Variants in YEATS4 observed in about 807,000 individuals in gnomAD.
The protein encoded by YEATS4 is YEATS domain containing 4.
In YEATS4, 17 loss-of-function variants were observed where a neutral mutation model predicts 30.1. That is an observed-to-expected ratio of 0.56 (90% CI 0.39 to 0.85). YEATS4 has a LOEUF of 0.85. YEATS4 is among the 40% of genes least tolerant of loss of function. The probability of loss-of-function intolerance (pLI) is 0.00; values close to 1 mark genes in which losing one functional copy is unlikely to be tolerated. For synonymous variants in YEATS4, 85 were observed against 87.5 expected (o/e 0.97, Z 0.16); for missense variants, 142 against 268.3 (o/e 0.53, Z 3.29).
downstream of YEATS4, among the ~76,000 whole-genome samples, chr12:69,394,148 T>TA (rs2121101943): frequency 6.6e-6 from 1 of 152,312 alleles, no homozygotes; most frequent in African/African-American, 2.4e-5. Context: ...AGTACAATAG[T>TA]AAAGACATTT....
At chr12:69,361,862 C>G (rs541723497) in intron 1 of YEATS4, among the ~76,000 whole-genome samples, 4 of 152,274 alleles carry the variant, frequency 2.6e-5, no homozygotes, top group African/African-American at 9.6e-5. Flanking sequence ...CACTATTTAC[C>G]AAGCTTCAGT....
At chr12:69,392,985 T>C (rs1868327186), downstream of YEATS4, among the ~76,000 whole-genome samples, 1 of 152,174 alleles carries the variant, frequency 6.6e-6, no homozygotes. Context: ...ATTAATAACA[T>C]GTAAGAAAAT....
At chr12:69,408,952 T>G in the YEATS4 span, among the ~76,000 whole-genome samples, 10 of 152,312 alleles carry the variant, frequency 6.6e-5, no homozygotes, top group Admixed American at 3.9e-4. Context: ...GAACCCCAGT[T>G]TCAGATTCTG....
At chr12:69,361,673 T>A (rs1273652841) in intron 1 of YEATS4, among the ~76,000 whole-genome samples, 3 of 152,252 alleles carry the variant, frequency 2.0e-5, no homozygotes, top group Admixed American at 6.5e-5. Context: ...GTTCTTCAGA[T>A]ACATTTCTGT....
At chr12:69,412,418 G>T in the YEATS4 span, among the ~76,000 whole-genome samples, 21 of 152,082 alleles carry the variant, frequency 1.4e-4, no homozygotes, top group Non-Finnish European at 2.4e-4. Context: ...TTGGGAGGCC[G>T]AGACAGGCAG....
chr12:69,404,997 C>G, the YEATS4 span, among the ~76,000 whole-genome samples: 10 of 152,172 alleles, frequency 6.6e-5, no homozygotes, highest in Admixed American at 5.9e-4. Context: ...GAAGTTGATA[C>G]ACAGAAAGAA....
intron 6 of YEATS4, among the ~76,000 whole-genome samples, chr12:69,389,705 G>A (rs1345139698): frequency 6.6e-6 from 1 of 151,824 alleles, no homozygotes; most frequent in Non-Finnish European, 1.5e-5. Context: ...TAGAGACGAG[G>A]TTTTGCTATG....
the YEATS4 span, among the ~76,000 whole-genome samples, chr12:69,406,279 C>T: frequency 6.6e-6 from 1 of 152,216 alleles, no homozygotes; most frequent in Non-Finnish European, 1.5e-5. Context: ...CCCTGACCAA[C>T]TCAATTGCAA....
the YEATS4 span, among the ~76,000 whole-genome samples, chr12:69,414,035 C>G: frequency 6.6e-6 from 1 of 152,090 alleles, no homozygotes; most frequent in African/African-American, 2.4e-5. Context: ...TTTGTAGATA[C>G]ATGACATCTA....
intron 6 of YEATS4, among the ~76,000 whole-genome samples, chr12:69,376,058 G>A (rs1875861433): frequency 6.6e-6 from 1 of 152,078 alleles, no homozygotes; most frequent in Non-Finnish European, 1.5e-5. Flanking sequence ...GAGTCTTTAG[G>A]TTTTTCCAAA....
At chr12:69,386,258 A>G (rs1229014700) in intron 6 of YEATS4, among the ~76,000 whole-genome samples, 1 of 152,200 alleles carries the variant, frequency 6.6e-6, no homozygotes, top group African/African-American at 2.4e-5. Flanking sequence ...TAAAAGTATC[A>G]TGAATCAAAC....
chr12:69,417,153 A>ATTTTTTTTTTTTTTTTT, the YEATS4 span, among the ~76,000 whole-genome samples: 1 of 136,378 alleles, frequency 7.3e-6, no homozygotes, highest in Non-Finnish European at 1.5e-5. Flanking sequence ...ATTTTTTAAA[A>ATTTTTTTTTTTTTTTTT]ATTTTTTTTT....
chr12:69,368,031 A>G (rs1401777196), intron 4 of YEATS4, among the ~76,000 whole-genome samples: 2 of 152,192 alleles, frequency 1.3e-5, no homozygotes, highest in Admixed American at 6.5e-5. Context: ...TATATAACCT[A>G]TTGCACTGCT....
Position 69,390,266 on chromosome 12 carries a change from A to C in YEATS4, c.634A>C (p.Lys212Gln). The change falls in exon 7 of 7, where the codon AAA becomes CAA. Residue 212 changes from lysine (K) to glutamine (Q), a missense_variant. Physicochemically the swap from Lys to Gln is moderately conservative, Grantham distance 53. Around this residue, in one of 3 missense-constraint regions of YEATS4, gnomAD observed 53 missense variants for 68.6 expected, o/e 0.77. Coordinates refer to ENST00000247843, the MANE Select transcript of YEATS4 (RefSeq NM_006530.4). ...AAGTCGTGAAACTATAAATTGTTTA[A>C]AAAATGAAATCAGAAAACTTGAAGA... ...KASRETINCL[K>Q]NEIRKLEEDD... 3 of 1,599,678 alleles carry C rather than the reference A, an allele frequency of 1.9e-6. No individual in the cohort carries two copies. The highest frequency in any genetic ancestry group is 1.7e-6 in the Non-Finnish European group (2 of 1,176,462).
chr12:69,421,942 C>T, the YEATS4 span, among the ~76,000 whole-genome samples: 10 of 152,154 alleles, frequency 6.6e-5, no homozygotes, highest in Non-Finnish European at 1.3e-4. Flanking sequence ...ATTTGAGCTA[C>T]CAGTTCTAGC....
the YEATS4 span, chr12:69,400,762 ATTG>A: frequency 6.6e-6 from 1 of 152,164 alleles, no homozygotes; most frequent in Non-Finnish European, 1.5e-5. Context: ...ACACAAGACA[ATTG>A]TTGGTTCATT....
intron 4 of YEATS4, among the ~76,000 whole-genome samples, chr12:69,366,926 A>G (rs1037765750): frequency 6.6e-6 from 1 of 152,200 alleles, no homozygotes; most frequent in African/African-American, 2.4e-5. Context: ...TCAAGCTCCT[A>G]GGCCTCACCT....
chr12:69,399,162 C>A, the YEATS4 span, among the ~76,000 whole-genome samples: 2 of 150,372 alleles, frequency 1.3e-5, no homozygotes, highest in South Asian at 4.2e-4. Context: ...AAAAAACAAA[C>A]AAACAAACAA....
chr12:69,404,098 C>G, the YEATS4 span, among the ~76,000 whole-genome samples: 1 of 152,110 alleles, frequency 6.6e-6, no homozygotes, highest in Non-Finnish European at 1.5e-5. Context: ...CACAATTTCA[C>G]GCTAATTGTC....
Sources: allele counts gnomAD v4.1 joint callset (sites outside exome capture counted in the v4.1 genomes callset), GRCh38; gene constraint gnomAD v4.1.1; regional missense constraint gnomAD v4.1.1; transcripts MANE v1.5; gene names NCBI Gene and HGNC (gene_info 2026-07-23, HGNC 2026-07-21).